The following UTY variants were observed in gnomAD, a reference collection of about 807,000 sequenced individuals.
The protein encoded by UTY is ubiquitously transcribed tetratricopeptide repeat containing, Y-linked.
In UTY, 12 loss-of-function variants were observed where a neutral mutation model predicts 32.5. The observed-to-expected ratio is 0.37, with a 90% CI of 0.24 to 0.60. The LOEUF (loss-of-function observed/expected upper bound fraction) is 0.60, where lower values mean the gene tolerates loss of function less well. Among genes scored for constraint, UTY ranks in the 20% least tolerant of loss-of-function variants. The pLI, the probability that UTY is intolerant of heterozygous loss-of-function variation, is 0.69. For missense variants in UTY, 303 were observed against 299.2 expected (o/e 1.01, Z -0.09); for synonymous variants, 131 against 103.4 (o/e 1.27, Z -1.62).
intron 27 of UTY, among the ~76,000 whole-genome samples, chrY:13,274,512 C>T: frequency 3.1e-5 from 1 of 32,307 alleles, no homozygotes; most frequent in Non-Finnish European, 7.5e-5. Context: ...AATAAATAGG[C>T]CAGGTGCAGT....
chrY:13,357,844 G>A (rs9341278), intron 15 of UTY, 33 bp downstream of exon 15: 14,070 of 352,531 alleles, frequency 0.04, no homozygotes, highest in East Asian at 0.032. Context: ...TACTGCTTTC[G>A]AATTGGGGGA....
At position 13,306,085 on chromosome Y, in the gene UTY, A is replaced by C; in HGVS notation, c.3369T>G (p.Phe1123Leu). 1 of 398,001 alleles carries C rather than the reference A, an allele frequency of 2.5e-6. No individual in the cohort carries two copies. Among genetic ancestry groups the C allele is most frequent in the Non-Finnish European group, 3.5e-6 (1 of 282,924 alleles). Residue 1123 changes from phenylalanine to leucine, a missense_variant, in exon 23 of 30, where the codon TTT becomes TTG. Physicochemically the swap from Phe to Leu is conservative, Grantham distance 22. Transcript: ENST00000545955. ...TGTTGGTCCCAAATTTTATGGTTTTAAAAGGTCCTTTCCTTCTCCTTCCAG... is the reference window on the plus strand; with the variant it reads ...TGTTGGTCCCAAATTTTATGGTTTTCAAAGGTCCTTTCCTTCTCCTTCCAG... ...ENSGRRRKGPFKTIKFGTNID... is the reference protein window; with the variant it reads ...ENSGRRRKGPLKTIKFGTNID...
At chrY:13,467,586 T>G (rs2078030828) in intron 3 of UTY, among the ~76,000 whole-genome samples, 18 of 32,605 alleles carry the variant, frequency 5.5e-4, no homozygotes, top group African/African-American at 2.1e-3. Context: ...CTGGTCAACA[T>G]GTTAAAACCC....
intron 4 of UTY, among the ~76,000 whole-genome samples, chrY:13,416,912 T>C (rs530466267): frequency 0.025 from 841 of 33,610 alleles, no homozygotes; most frequent in Middle Eastern, 0.19. Context: ...GTACAAAATA[T>C]TTACGAAACC....
chrY:13,385,275 T>C (rs763936553), intron 8 of UTY, among the ~76,000 whole-genome samples: 1 of 32,539 alleles, frequency 3.1e-5, no homozygotes, highest in South Asian at 6.6e-4. Flanking sequence ...ATGAGGAAAA[T>C]GACAACAATA....
chrY:13,412,635 C>T lies in UTY; in HGVS notation c.435-1522G>A, dbSNP rs764916486. ...CATGATGCACACTAATCACATGATG[C>T]ACATGTAAATCAACATGATGCACAC... On this transcript the variant is annotated intron_variant, in intron 5 of 29. Transcript: ENST00000545955. Among the ~76,000 whole-genome samples the T allele has an allele frequency of 6.4e-4, 21 of 32,891 alleles. No individual in the cohort carries two copies. In the South Asian group the frequency reaches 0.014, roughly 22 times the overall value. 88.2% of individuals were successfully genotyped at this position (32,891 alleles called of 37,273 possible). A position where few individuals can be genotyped will look rare whatever the true frequency, so the allele number is the denominator to read the frequency against.
chrY:13,338,467 C>T (rs2061272754), intron 17 of UTY, among the ~76,000 whole-genome samples: 1 of 28,134 alleles, frequency 3.6e-5, no homozygotes, highest in African/African-American at 1.4e-4. Flanking sequence ...GACAAGATCA[C>T]GCCACTCCAA....
chrY:13,346,309 C>T (rs2061892838), intron 17 of UTY, among the ~76,000 whole-genome samples: 1 of 33,391 alleles, frequency 3.0e-5, no homozygotes, highest in Non-Finnish European at 7.4e-5. Flanking sequence ...ACTTCGTATT[C>T]CTCTGGTCAT....
At chrY:13,406,075 T>C in intron 6 of UTY, among the ~76,000 whole-genome samples, 1 of 33,338 alleles carries the variant, frequency 3.0e-5, no homozygotes, top group Non-Finnish European at 7.5e-5. Context: ...CTGATCTACA[T>C]GTGTCTGCTG....
chrY:13,442,864 G>GACAGGC lies in UTY; in HGVS notation c.375+6147_375+6152dup, dbSNP rs2075333505. Among the ~76,000 whole-genome samples, 3 of 33,421 alleles carry GACAGGC rather than the reference G, an allele frequency of 9.0e-5. No homozygotes were observed. In the East Asian group the frequency reaches 2.4e-3, roughly 27 times the overall value. The allele number at this position is 33,421 out of a possible 37,273, so 89.7% of individuals were successfully genotyped here. ...CTGAAAGATAGGAACAATCTAAGAA[G>GACAGGC]ACAGGCACAGCCACAGGGAGGACAG... is the stretch of plus-strand genomic sequence containing the variant. On this transcript the variant is annotated intron_variant, in intron 4 of 29. Coordinates refer to ENST00000545955, the MANE Select transcript of UTY (RefSeq NM_001258249.2).
At chrY:13,236,408 T>C (rs909739095) in intron 28 of UTY, among the ~76,000 whole-genome samples, 2 of 31,139 alleles carry the variant, frequency 6.4e-5, no homozygotes, top group African/African-American at 2.5e-4. Context: ...CTGTGACAAC[T>C]AAAGACAATG....
At chrY:13,349,575 C>T in intron 17 of UTY, among the ~76,000 whole-genome samples, 2 of 32,913 alleles carry the variant, frequency 6.1e-5, no homozygotes, top group Non-Finnish European at 7.4e-5. Context: ...TGTGGTAAGG[C>T]AGCTGGCAGG....
At chrY:13,439,829 A>C in intron 4 of UTY, among the ~76,000 whole-genome samples, 2 of 33,338 alleles carry the variant, frequency 6.0e-5, no homozygotes, top group Non-Finnish European at 7.4e-5. Context: ...TGGGTGCAAG[A>C]AGACTGCCAG....
chrY:13,426,598 T>C (rs2073302452), intron 4 of UTY, among the ~76,000 whole-genome samples: 1 of 32,996 alleles, frequency 3.0e-5, no homozygotes, highest in Non-Finnish European at 7.5e-5. Flanking sequence ...AAAAGAAATA[T>C]CGCATTCAAT....
chrY:13,236,962 C>T, intron 28 of UTY, among the ~76,000 whole-genome samples: 1 of 32,990 alleles, frequency 3.0e-5, no homozygotes, highest in Non-Finnish European at 7.5e-5. Flanking sequence ...AGATTGGATA[C>T]AATAGAAAGC....
At chrY:13,253,831 A>T in intron 28 of UTY, among the ~76,000 whole-genome samples, 1 of 33,111 alleles carries the variant, frequency 3.0e-5, no homozygotes, top group African/African-American at 1.2e-4. Context: ...GCCCCGGCCC[A>T]ACCTCAAATT....
chrY:13,356,195 G>A lies in UTY; in HGVS notation c.1570-177C>T, dbSNP rs200280937. Among the ~76,000 whole-genome samples the A allele has an allele frequency of 1.1e-3, 37 of 32,235 alleles. No individual in the cohort carries two copies. In the East Asian group the frequency reaches 0.031, roughly 27 times the overall value. 86.5% of individuals were successfully genotyped at this position (32,235 alleles called of 37,273 possible). On this transcript the variant is annotated intron_variant, in intron 15 of 29. Coordinates refer to ENST00000545955, the MANE Select transcript of UTY (RefSeq NM_001258249.2). Reference sequence around the variant, plus strand: ...TGTTGAGACAGAGTCTTGCTCTGTCGCCCAGGCTAGAGTGCAGTGGTGCAA... The same window carrying A: ...TGTTGAGACAGAGTCTTGCTCTGTCACCCAGGCTAGAGTGCAGTGGTGCAA...
chrY:13,254,695 C>A (rs894109331), intron 28 of UTY, among the ~76,000 whole-genome samples: 1 of 33,109 alleles, frequency 3.0e-5, no homozygotes, highest in Non-Finnish European at 7.4e-5. Context: ...TAATAGGATT[C>A]CTTTTAGGAA....
At position 13,306,127 on chromosome Y, in the gene UTY, G is replaced by A; in HGVS notation, c.3342-15C>T. 2.5e-6 allele frequency: 1 copy of A among 395,155 alleles called. No homozygotes were observed. The highest frequency in any genetic ancestry group is 3.0e-5 in the South Asian group (1 of 33,542). ...TCCTTCCAGAACTTAAAAAAAGAGA[G>A]AATATGAAATCCATGTATTTTAGAC... On this transcript the variant is annotated splice_polypyrimidine_tract_variant and intron_variant, in intron 22 of 29. Transcript: ENST00000545955.
Sources: allele counts gnomAD v4.1 joint callset (sites outside exome capture counted in the v4.1 genomes callset), GRCh38; gene constraint gnomAD v4.1.1; transcripts MANE v1.5; gene names NCBI Gene and HGNC (gene_info 2026-07-23, HGNC 2026-07-21).